SLC26A4: variants seen among roughly 807,000 people sequenced by gnomAD.
The protein encoded by SLC26A4 is pendrin.
Under a neutral mutation model 90.4 loss-of-function variants are expected in SLC26A4, and 93 were observed. The ratio of observed to expected loss-of-function variants is 1.03; its 90% CI spans 0.87 to 1.22. SLC26A4 has a LOEUF of 1.22. Among genes scored for constraint, SLC26A4 ranks in the 50% most tolerant of loss-of-function variants. The pLI, the probability that SLC26A4 is intolerant of heterozygous loss-of-function variation, is 0.00. For synonymous variants in SLC26A4, 393 were observed against 354.6 expected (o/e 1.11, Z -1.22); for missense variants, 1,127 against 946.2 (o/e 1.19, Z -2.51).
intron 8 of SLC26A4, among the ~76,000 whole-genome samples, chr7:107,686,686 G>A (rs184778718): frequency 5.3e-5 from 8 of 152,034 alleles, no homozygotes; most frequent in African/African-American, 1.9e-4. Context: ...CACCATGTTG[G>A]CCAGGCTGGC....
At chr7:107,669,971 TACTGAGAGTTTCCGCTGCATTGGCA>T (rs1790819212) in intron 3 of SLC26A4, among the ~76,000 whole-genome samples, 1 of 152,186 alleles carries the variant, frequency 6.6e-6, no homozygotes, top group Non-Finnish European at 1.5e-5. Context: ...AGGAAGAGTA[TACTGAGAGTTTCCGCTGCATTGGCA>T]GTAATTTATT....
chr7:107,693,550 A>G (rs1336820485), intron 10 of SLC26A4: 2 of 984,698 alleles, frequency 2.0e-6, no homozygotes, highest in Non-Finnish European at 2.4e-6. Context: ...TCTTTGTTTC[A>G]GAGCTTCTAA....
In SLC26A4 at chr7:107,715,930, G is replaced by C. The variant is rs1792335479; in HGVS notation, c.*484G>C. The C allele has an allele frequency of 6.4e-6, 1 of 155,556 alleles. No homozygotes were observed. The highest frequency in any genetic ancestry group is 2.0e-4 in the South Asian group (1 of 5,092). The allele number at this position is 155,556 out of a possible 1,614,324, so 9.6% of individuals were successfully genotyped here. On this transcript the variant is annotated 3_prime_UTR_variant, in exon 21 of 21. Transcript: ENST00000644269. ...AATGCATTTATCAATAAAAGCCTTT[G>C]AAAATACTTTGGATAATAAATTGGA...
intron 6 of SLC26A4, among the ~76,000 whole-genome samples, chr7:107,682,206 G>C (rs1247196716): frequency 6.7e-6 from 1 of 148,914 alleles, no homozygotes; most frequent in African/African-American, 2.5e-5. Flanking sequence ...ATGTATGCTT[G>C]TCAGGAGATA....
At chr7:107,671,495 T>A (rs75517152) in intron 3 of SLC26A4, among the ~76,000 whole-genome samples, 2,211 of 152,322 alleles carry the variant, frequency 0.015, 19 homozygotes, top group Middle Eastern at 0.031. Context: ...GATTGTTTTT[T>A]CCCACTGATC....
intron 17 of SLC26A4, among the ~76,000 whole-genome samples, chr7:107,703,375 G>A (rs939199030): frequency 2.0e-5 from 3 of 152,178 alleles, no homozygotes; most frequent in African/African-American, 7.2e-5. Context: ...TATAAGGGGA[G>A]GAAATGATTC....
chr7:107,690,352 A>G (rs1262304978), intron 10 of SLC26A4, 115 bp downstream of exon 10: 2 of 736,480 alleles, frequency 2.7e-6, no homozygotes, highest in Non-Finnish European at 5.0e-6. Flanking sequence ...TGTACTTCCT[A>G]ATCTGATTCA....
In SLC26A4 at chr7:107,672,264, T is replaced by C; in HGVS notation, c.415+16T>C. ...ATCTCAGTTGGTAATTATAAGTATA[T>C]TTTACAATTATATTTGCTCATGTTT... On this transcript the variant is annotated intron_variant, in intron 4 of 20. Coordinates refer to ENST00000644269, the MANE Select transcript of SLC26A4 (RefSeq NM_000441.2). The C allele has an allele frequency of 6.8e-7, 1 of 1,471,472 alleles. No homozygotes were observed. The highest frequency in any genetic ancestry group is 9.5e-7 in the Non-Finnish European group (1 of 1,050,862). The allele number at this position is 1,471,472 out of a possible 1,614,324, so 91.2% of individuals were successfully genotyped here.
At chr7:107,670,445 G>C (rs1286440138) in intron 3 of SLC26A4, among the ~76,000 whole-genome samples, 1 of 152,022 alleles carries the variant, frequency 6.6e-6, no homozygotes, top group African/African-American at 2.4e-5. Context: ...CCACAGGCTG[G>C]AGTGGGAGTG....
At chr7:107,696,813 G>A (rs563146541) in intron 13 of SLC26A4, among the ~76,000 whole-genome samples, 3 of 152,180 alleles carry the variant, frequency 2.0e-5, no homozygotes, top group Non-Finnish European at 4.4e-5. Context: ...GGCCTAGAGG[G>A]GAACAGAGTC....
chr7:107,702,699 A>G (rs2129318474), intron 17 of SLC26A4, among the ~76,000 whole-genome samples: 1 of 152,032 alleles, frequency 6.6e-6, no homozygotes, highest in East Asian at 1.9e-4. Flanking sequence ...AAAAAAAAAA[A>G]AAAGAATATC....
chr7:107,674,395 A>T, intron 5 of SLC26A4, 47 bp downstream of exon 5: 1 of 1,388,828 alleles, frequency 7.2e-7, no homozygotes, highest in Non-Finnish European at 1.0e-6. Context: ...TTTTTATTTG[A>T]AATTAACTTT....
At chr7:107,715,347 T>C in intron 20 of SLC26A4, 76 bp from the exon 21 acceptor site, 1 of 1,169,450 alleles carries the variant, frequency 8.6e-7, no homozygotes, top group Non-Finnish European at 1.3e-6. Flanking sequence ...TATAAAAACA[T>C]ATTTATAAAA....
intron 2 of SLC26A4, among the ~76,000 whole-genome samples, chr7:107,663,045 A>G (rs1233153176): frequency 2.0e-5 from 3 of 152,186 alleles, no homozygotes; most frequent in African/African-American, 7.2e-5. Flanking sequence ...ATATTTTTTC[A>G]GAGGATTAAA....
At position 107,661,795 on chromosome 7, in the gene SLC26A4, A is replaced by T. The variant is rs1562817529; in HGVS notation, c.154A>T (p.Lys52Ter). Residue 52 changes from lysine to a stop codon, truncating the protein, a stop_gained, in exon 2 of 21, where the codon AAG becomes TAG. Coordinates refer to ENST00000644269, the MANE Select transcript of SLC26A4 (RefSeq NM_000441.2). LOFTEE classifies it high-confidence loss of function. This position sits in a 1 kb window ranked among gnomAD's most constrained non-coding sequence, Gnocchi z 5.1. ...ERKTLRESLAKCCSCSRKRAF... is the reference protein window; with the variant it reads ...ERKTLRESLA ...CAAGACGCTGCGGGAGAGCCTGGCC[A>T]AGTGCTGCAGGTAGCGGCCGCGCGG... The T allele has an allele frequency of 1.3e-6, 2 of 1,537,802 alleles. No homozygotes were observed. The highest frequency in any genetic ancestry group is 2.4e-5 in the South Asian group (2 of 83,978).
intron 18 of SLC26A4, among the ~76,000 whole-genome samples, chr7:107,705,724 A>G (rs1350497549): frequency 6.6e-6 from 1 of 152,222 alleles, no homozygotes; most frequent in East Asian, 1.9e-4. Context: ...CTGCCAAGTG[A>G]AAGAGGTAGG....
Position 107,665,354 on chromosome 7 carries a change from G to C in SLC26A4, c.304+1919G>C, listed in dbSNP as rs148915374. ...CAGGGTGGAGCCTCAGCCTGATCAA[G>C]CATGTTCTTAATCACAAAGGTGGAC... On this transcript the variant is annotated intron_variant, in intron 3 of 20. Transcript: ENST00000644269. 1.3e-3 allele frequency among the ~76,000 whole-genome samples: 194 copies of C among 152,290 alleles called. 3 individuals are homozygous for C. The highest frequency in any genetic ancestry group is 4.5e-3 in the African/African-American group (188 of 41,574).
chr7:107,703,106 C>G (rs1315084851), intron 17 of SLC26A4, among the ~76,000 whole-genome samples: 1 of 152,198 alleles, frequency 6.6e-6, no homozygotes, highest in East Asian at 1.9e-4. Flanking sequence ...GAAGTAGACA[C>G]AGTTTCTACC....
chr7:107,693,678 A>G (rs1791644827), intron 10 of SLC26A4: 1 of 991,082 alleles, frequency 1.0e-6, no homozygotes, highest in Admixed American at 5.6e-5. Flanking sequence ...ATCTTAGGAG[A>G]GCTATTTTTG....
Sources: allele counts gnomAD v4.1 joint callset (sites outside exome capture counted in the v4.1 genomes callset), GRCh38; gene constraint gnomAD v4.1.1; non-coding constraint Gnocchi (gnomAD v3.1); transcripts MANE v1.5; gene names NCBI Gene and HGNC (gene_info 2026-07-23, HGNC 2026-07-21).